Variants in LDLRAD3 observed in about 807,000 individuals in gnomAD.
LDLRAD3 encodes low-density lipoprotein receptor class A domain-containing protein 3.
LDLRAD3 carries 20 observed loss-of-function variants against 29.4 expected under a neutral mutation model. The ratio of observed to expected loss-of-function variants is 0.68; its 90% confidence interval spans 0.48 to 0.99. The LOEUF (loss-of-function observed/expected upper bound fraction) is 0.99, where lower values mean the gene tolerates loss of function less well. Among genes scored for constraint, LDLRAD3 ranks in the 50% least tolerant of loss-of-function variants. The probability of loss-of-function intolerance (pLI) is 0.00; values close to 1 mark genes in which losing one functional copy is unlikely to be tolerated. For synonymous variants in LDLRAD3, 157 were observed against 192.7 expected (o/e 0.81, Z 1.53); for missense variants, 420 against 454.3 (o/e 0.92, Z 0.69).
chr11:35,964,350 A>G (rs1231486300), intron 1 of LDLRAD3, among the ~76,000 whole-genome samples: 1 of 152,168 alleles, frequency 6.6e-6, no homozygotes, highest in Admixed American at 6.5e-5. Flanking sequence ...GAGAAATTGA[A>G]CAACTTGCTG....
intron 1 of LDLRAD3, among the ~76,000 whole-genome samples, chr11:36,024,878 ACTT>A (rs1852143574): frequency 6.6e-6 from 1 of 152,166 alleles, no homozygotes; most frequent in Admixed American, 6.5e-5. Flanking sequence ...CCTCACCCTG[ACTT>A]CTTAGGGAGT....
intron 4 of LDLRAD3, among the ~76,000 whole-genome samples, chr11:36,203,672 C>T (rs926967340): frequency 6.6e-5 from 10 of 152,152 alleles, no homozygotes; most frequent in Non-Finnish European, 2.9e-5. Flanking sequence ...TCTAGAATCT[C>T]CACAGCAAAG....
rs1294417937 is a variant in LDLRAD3 at position 36,213,711 on chromosome 11, G to C, written c.455-13374G>C. On this transcript the variant is annotated intron_variant, in intron 4 of 5. Transcript: ENST00000315571. The surrounding 1 kb of genome is among the most constrained non-coding windows in gnomAD (Gnocchi z 4.1). ...TCCCCGCACCTGAGCACAGGGCCCA[G>C]CCAGGATCTGGGCTCTCCAAGTGGA... Among the ~76,000 whole-genome samples the C allele has an allele frequency of 6.6e-6, 1 of 152,206 alleles. No homozygotes were observed. Among genetic ancestry groups the C allele is most frequent in the African/African-American group, 2.4e-5 (1 of 41,452 alleles).
chr11:36,049,040 G>T (rs1038747008), intron 2 of LDLRAD3, among the ~76,000 whole-genome samples: 1 of 152,132 alleles, frequency 6.6e-6, no homozygotes, highest in Non-Finnish European at 1.5e-5. Flanking sequence ...GAGCTGGGGG[G>T]CAAGGGTCAT....
At chr11:36,063,264 GTCT>G (rs1444013818) in intron 2 of LDLRAD3, among the ~76,000 whole-genome samples, 5 of 152,188 alleles carry the variant, frequency 3.3e-5, no homozygotes. Flanking sequence ...GATGTCACCA[GTCT>G]TCTTAGATCT....
intron 4 of LDLRAD3, among the ~76,000 whole-genome samples, chr11:36,156,924 A>C (rs1344979222): frequency 6.6e-6 from 1 of 152,218 alleles, no homozygotes; most frequent in East Asian, 1.9e-4. Context: ...TCTGGTTGAA[A>C]AGCTGCAAAT....
intron 4 of LDLRAD3, among the ~76,000 whole-genome samples, chr11:36,122,722 A>G (rs1198532660): frequency 2.0e-5 from 3 of 152,020 alleles, no homozygotes; most frequent in Admixed American, 6.6e-5. Context: ...TTCCTTTTCT[A>G]TGCACTCATG....
intron 2 of LDLRAD3, among the ~76,000 whole-genome samples, chr11:36,041,194 A>T (rs901145791): frequency 6.6e-6 from 1 of 152,258 alleles, no homozygotes; most frequent in Non-Finnish European, 1.5e-5. Context: ...AGTCCTGATT[A>T]TGAGGAGAGC....
intron 4 of LDLRAD3, among the ~76,000 whole-genome samples, chr11:36,155,982 A>G (rs1372273985): frequency 6.6e-6 from 1 of 152,118 alleles, no homozygotes; most frequent in Non-Finnish European, 1.5e-5. Flanking sequence ...ATGTTCTTAG[A>G]TGAGTCATGT....
chr11:36,014,405 A>G (rs1009011699), intron 1 of LDLRAD3, among the ~76,000 whole-genome samples: 1 of 152,238 alleles, frequency 6.6e-6, no homozygotes, highest in African/African-American at 2.4e-5. Flanking sequence ...ATTATGGGAA[A>G]TGATAACTTC....
intron 4 of LDLRAD3, among the ~76,000 whole-genome samples, chr11:36,189,978 T>G (rs1275914315): frequency 6.7e-6 from 1 of 149,954 alleles, no homozygotes; most frequent in African/African-American, 2.5e-5. Flanking sequence ...TGTCCCACAC[T>G]TAAAAATGAG....
At chr11:36,218,216 T>C (rs1312863690) in intron 4 of LDLRAD3, among the ~76,000 whole-genome samples, 1 of 152,208 alleles carries the variant, frequency 6.6e-6, no homozygotes, top group African/African-American at 2.4e-5. Context: ...TATCATTATT[T>C]AGTTCAAATC....
intron 4 of LDLRAD3, among the ~76,000 whole-genome samples, chr11:36,162,318 A>G (rs566970811): frequency 9.2e-5 from 14 of 152,344 alleles, no homozygotes; most frequent in African/African-American, 3.1e-4. Flanking sequence ...TTCCTCATCA[A>G]GGGAGAAATG....
At chr11:36,125,290 G>A (rs1238337935) in intron 4 of LDLRAD3, among the ~76,000 whole-genome samples, 1 of 152,100 alleles carries the variant, frequency 6.6e-6, no homozygotes, top group Admixed American at 6.6e-5. Flanking sequence ...GCAACTTCCC[G>A]GGTTCAAATT....
At chr11:36,128,117 C>CATATATATATATATATATCTATATAT (rs57687795) in intron 4 of LDLRAD3, among the ~76,000 whole-genome samples, 1 of 98,954 alleles carries the variant, frequency 1.0e-5, no homozygotes, top group Non-Finnish European at 2.3e-5. Context: ...GTTGTTTTTA[C>CATATATATATATATATATCTATATAT]ATATATATAT....
At chr11:35,946,872 C>G (rs909965223) in intron 1 of LDLRAD3, among the ~76,000 whole-genome samples, 2 of 152,072 alleles carry the variant, frequency 1.3e-5, no homozygotes, top group Non-Finnish European at 2.9e-5. Flanking sequence ...CAGCTCAGCT[C>G]GGGAAGATGA....
Position 36,035,991 on chromosome 11 carries a change from T to A in LDLRAD3, c.47-112T>A. The A allele has an allele frequency of 4.0e-6, 4 of 1,008,666 alleles. No individual in the cohort carries two copies. The East Asian group carries it at 1.0e-4, about 25-fold the overall frequency. The allele number at this position is 1,008,666 out of a possible 1,614,324, so 62.5% of individuals were successfully genotyped here. On this transcript the variant is annotated intron_variant, in intron 1 of 5. Transcript: ENST00000315571. Reference sequence around the variant, plus strand: ...ATGAGGAAACTGAAGGTCAGAGAGGTTGAGTCATCTACCAGAAGTCTCACC... The same window carrying A: ...ATGAGGAAACTGAAGGTCAGAGAGGATGAGTCATCTACCAGAAGTCTCACC...
At chr11:36,070,154 C>A (rs1041669819) in intron 2 of LDLRAD3, among the ~76,000 whole-genome samples, 1 of 152,360 alleles carries the variant, frequency 6.6e-6, no homozygotes, top group Admixed American at 6.5e-5. Context: ...ACAACTGACT[C>A]AGCACCAGAC....
intron 4 of LDLRAD3, among the ~76,000 whole-genome samples, chr11:36,102,697 T>G (rs976292163): frequency 1.3e-5 from 2 of 152,230 alleles, no homozygotes; most frequent in East Asian, 3.8e-4. Flanking sequence ...CTTCATTGAT[T>G]GGCAACATAA....
Sources: allele counts gnomAD v4.1 joint callset (sites outside exome capture counted in the v4.1 genomes callset), GRCh38; gene constraint gnomAD v4.1.1; non-coding constraint Gnocchi (gnomAD v3.1); transcripts MANE v1.5; gene names NCBI Gene and HGNC (gene_info 2026-07-23, HGNC 2026-07-21).